Variants in SYT6 observed in about 807,000 individuals in gnomAD.
SYT6 encodes synaptotagmin 6.
Under a neutral mutation model 38.4 loss-of-function variants are expected in SYT6, and 24 were observed. That is an observed-to-expected ratio of 0.62 (90% confidence interval 0.45 to 0.88). The LOEUF is 0.88. Among genes scored for constraint, SYT6 ranks in the 40% least tolerant of loss-of-function variants. The probability of loss-of-function intolerance (pLI) is 0.00; values close to 1 mark genes in which losing one functional copy is unlikely to be tolerated. For missense variants in SYT6, 611 were observed against 621.0 expected (o/e 0.98, Z 0.17); for synonymous variants, 265 against 241.9 (o/e 1.10, Z -0.89).
At chr1:114,107,744 C>T (rs921777915) in intron 3 of SYT6, among the ~76,000 whole-genome samples, 8 of 152,250 alleles carry the variant, frequency 5.3e-5, no homozygotes, top group African/African-American at 1.9e-4. Flanking sequence ...CAGCTCGGCC[C>T]TCACCAGGTC....
intron 3 of SYT6, among the ~76,000 whole-genome samples, chr1:114,115,652 T>C (rs1676950186): frequency 1.3e-5 from 2 of 152,122 alleles, no homozygotes; most frequent in South Asian, 4.1e-4. Flanking sequence ...CCCGACTTCA[T>C]GATCTGCCCG....
At position 114,137,520 on chromosome 1, in the gene SYT6, C is replaced by T; in HGVS notation, c.1046G>A (p.Trp349Ter). ...ASDLSRETSI[W>*]KDIQYATSES... Reference sequence around the variant, plus strand: ...ACTTGTGGCATATTGGATATCCTTCCAGATGGAGGTTTCCCGAGACAGGTC... The same window carrying T: ...ACTTGTGGCATATTGGATATCCTTCTAGATGGAGGTTTCCCGAGACAGGTC... Residue 349 changes from tryptophan to a stop codon, truncating the protein, a stop_gained, in exon 3 of 8, where the codon TGG becomes TAG. Coordinates refer to ENST00000610222, the MANE Select transcript of SYT6 (RefSeq NM_001253772.2). LOFTEE classifies it high-confidence loss of function. 6.2e-7 allele frequency: 1 copy of T among 1,613,838 alleles called. No individual in the cohort carries two copies. The highest frequency in any genetic ancestry group is 8.5e-7 in the Non-Finnish European group (1 of 1,179,736).
intron 3 of SYT6, among the ~76,000 whole-genome samples, chr1:114,133,292 G>A (rs765747293): frequency 2.0e-5 from 3 of 152,178 alleles, no homozygotes; most frequent in Non-Finnish European, 4.4e-5. Context: ...TATGGCCCCA[G>A]TTACAGCCTT....
At chr1:114,126,603 G>A (rs920341184) in intron 3 of SYT6, among the ~76,000 whole-genome samples, 1 of 152,216 alleles carries the variant, frequency 6.6e-6, no homozygotes, top group Non-Finnish European at 1.5e-5. Context: ...GGAGCAAGGT[G>A]GGGGGAAGCA....
chr1:114,140,491 C>A (rs1678804956), intron 1 of SYT6, among the ~76,000 whole-genome samples: 1 of 152,074 alleles, frequency 6.6e-6, no homozygotes, highest in African/African-American at 2.4e-5. Flanking sequence ...TTCTTTATCC[C>A]ATCCCCACTG....
At chr1:114,136,480 A>G (rs1678491548) in intron 3 of SYT6, among the ~76,000 whole-genome samples, 1 of 152,204 alleles carries the variant, frequency 6.6e-6, no homozygotes, top group South Asian at 2.1e-4. Flanking sequence ...GACACTAGCT[A>G]TACCTGCAGG....
intron 4 of SYT6, among the ~76,000 whole-genome samples, chr1:114,099,721 T>C (rs1675849914): frequency 6.6e-6 from 1 of 152,204 alleles, no homozygotes; most frequent in African/African-American, 2.4e-5. Context: ...ATAAAGGTTT[T>C]GGGGCGGGGT....
chr1:114,149,593 T>G (rs1455357032), intron 1 of SYT6, among the ~76,000 whole-genome samples: 1 of 151,964 alleles, frequency 6.6e-6, no homozygotes, highest in Non-Finnish European at 1.5e-5. Flanking sequence ...TAATGTGGAG[T>G]GTTACAGCTA....
intron 3 of SYT6, among the ~76,000 whole-genome samples, chr1:114,112,680 C>T (rs921822333): frequency 2.6e-5 from 4 of 152,220 alleles, no homozygotes; most frequent in Non-Finnish European, 4.4e-5. Flanking sequence ...AGCCCAGAGC[C>T]GAGGACCTCA....
At position 114,141,296 on chromosome 1, in the gene SYT6, C is replaced by G. The variant is rs555750977; in HGVS notation, c.164-1333G>C. Among the ~76,000 whole-genome samples the G allele has an allele frequency of 2.8e-4, 42 of 152,322 alleles. 1 individual carries two copies. The South Asian group carries it at 8.1e-3, about 29-fold the overall frequency. ...ATCAGAAGTGTTACTCCAGCAAACA[C>G]ACAAATGATAAGAAAGCAAAACAGT... On this transcript the variant is annotated intron_variant, in intron 1 of 7. Coordinates refer to ENST00000610222, the MANE Select transcript of SYT6 (RefSeq NM_001253772.2).
intron 3 of SYT6, among the ~76,000 whole-genome samples, chr1:114,112,898 G>A (rs540961528): frequency 3.3e-5 from 5 of 152,304 alleles, no homozygotes; most frequent in African/African-American, 1.2e-4. Flanking sequence ...TCTGCCCCTC[G>A]CAGGGCTGTG....
At chr1:114,109,288 C>T (rs192591449) in intron 3 of SYT6, among the ~76,000 whole-genome samples, 17 of 152,242 alleles carry the variant, frequency 1.1e-4, no homozygotes, top group East Asian at 7.7e-4. Flanking sequence ...TTTGAAGGCA[C>T]GAATGGGGTC....
At position 114,103,398 on chromosome 1, in the gene SYT6, T is replaced by C. The variant is rs116658055; in HGVS notation, c.1192+203A>G. Among the ~76,000 whole-genome samples, 432 of 152,360 alleles carry C rather than the reference T, an allele frequency of 2.8e-3. 1 individual carries two copies. The highest frequency in any genetic ancestry group is 0.024 in the Middle Eastern group (7 of 294). ...TGAAAGCAACCCATGTAAGATATTA[T>C]TACTCCCACTTTTCAGACTAGAAAA... On this transcript the variant is annotated intron_variant, in intron 4 of 7. Coordinates refer to ENST00000610222, the MANE Select transcript of SYT6 (RefSeq NM_001253772.2).
chr1:114,099,077 C>A lies in SYT6; in HGVS notation c.1364+17G>T, dbSNP rs1269654951. The A allele has an allele frequency of 6.2e-7, 1 of 1,604,462 alleles. No individual in the cohort carries two copies. The highest frequency in any genetic ancestry group is 1.7e-5 in the Admixed American group (1 of 59,488). ...GAGTGAGGGGTAGAATTACGTCCCT[C>A]TAGGACGCCTACCTACCGATCATAG... On this transcript the variant is annotated intron_variant, in intron 5 of 7. Coordinates refer to ENST00000610222, the MANE Select transcript of SYT6 (RefSeq NM_001253772.2).
chr1:114,137,383 A>T (rs563314462), intron 3 of SYT6, 112 bp downstream of exon 3: 16 of 1,285,374 alleles, frequency 1.2e-5, no homozygotes, highest in Non-Finnish European at 1.7e-5. Context: ...CCCTCTTCAC[A>T]TCCCAAATGG....
chr1:114,127,435 C>T (rs2101056220), intron 3 of SYT6, among the ~76,000 whole-genome samples: 1 of 152,280 alleles, frequency 6.6e-6, no homozygotes, highest in Non-Finnish European at 1.5e-5. Context: ...GAGCCTTGGC[C>T]CCTTGGGCAG....
chr1:114,123,793 C>T (rs921521548), intron 3 of SYT6, among the ~76,000 whole-genome samples: 6 of 152,136 alleles, frequency 3.9e-5, no homozygotes, highest in African/African-American at 1.4e-4. Context: ...AGGAAATAAC[C>T]ACAGACAAAG....
At chr1:114,097,931 G>A in intron 5 of SYT6, 54 bp from the exon 6 acceptor site, 1 of 1,602,116 alleles carries the variant, frequency 6.2e-7, no homozygotes, top group Non-Finnish European at 8.5e-7. Flanking sequence ...CCTCAGAAAA[G>A]GAGGTCCAGT....
At chr1:114,120,898 G>A (rs752515034) in intron 3 of SYT6, among the ~76,000 whole-genome samples, 1 of 152,254 alleles carries the variant, frequency 6.6e-6, no homozygotes, top group South Asian at 2.1e-4. Flanking sequence ...ACCCAGGGTT[G>A]TGTGGCTTGA....
Sources: gnomAD v4.1 joint callset for allele counts (sites outside exome capture counted in the v4.1 genomes callset) on GRCh38, gnomAD v4.1.1 for gene constraint, MANE v1.5 for transcripts, NCBI Gene and HGNC (gene_info 2026-07-23, HGNC 2026-07-21) for gene names.